The following EXOC6 variants were observed in gnomAD, a reference collection of about 807,000 sequenced individuals.
The protein encoded by EXOC6 is SEC15-like 1.
In EXOC6, 60 loss-of-function variants were observed where a neutral mutation model predicts 112.5. The ratio of observed to expected loss-of-function variants is 0.53; its 90% confidence interval spans 0.43 to 0.66. The LOEUF is 0.66. Among genes scored for constraint, EXOC6 ranks in the 30% least tolerant of loss-of-function variants. EXOC6 has a pLI of 0.00. For missense variants in EXOC6, 855 were observed against 957.1 expected (o/e 0.89, Z 1.41); for synonymous variants, 295 against 308.0 (o/e 0.96, Z 0.44).
chr10:93,049,496 C>T (rs558012368), intron 20 of EXOC6, among the ~76,000 whole-genome samples: 6 of 152,262 alleles, frequency 3.9e-5, no homozygotes, highest in South Asian at 2.1e-4. Flanking sequence ...CATGCTACAA[C>T]GTGATGAACC....
At chr10:92,918,279 T>C (rs1321849675) in intron 7 of EXOC6, among the ~76,000 whole-genome samples, 1 of 152,230 alleles carries the variant, frequency 6.6e-6, no homozygotes, top group Non-Finnish European at 1.5e-5. Context: ...AAGTTTTGCC[T>C]TGCCAATGAG....
At chr10:92,927,079 C>A (rs540792855) in intron 8 of EXOC6, among the ~76,000 whole-genome samples, 9 of 152,178 alleles carry the variant, frequency 5.9e-5, no homozygotes, top group African/African-American at 2.2e-4. Flanking sequence ...AAAATATTTT[C>A]TGCATTTTAA....
rs760629495 is a variant in EXOC6 at position 93,058,278 on chromosome 10, C to G, written c.2338C>G (p.Arg780Gly). The G allele has an allele frequency of 3.5e-5, 56 of 1,611,002 alleles. No homozygotes were observed. The South Asian group carries it at 5.2e-4, about 15-fold the overall frequency. The change falls in exon 22 of 22, where the codon CGA (arginine) becomes GGA (glycine). Residue 780 changes from arginine (R) to glycine (G), a missense_variant. This residue lies in a region of EXOC6 where 450 missense variants were observed against 563.5 expected (regional missense o/e 0.80). Coordinates refer to ENST00000260762, the MANE Select transcript of EXOC6 (RefSeq NM_019053.6). ...NIFAQFRKND[R>G]DKQKLIETVV... is the part of the protein sequence containing the mutation. The stretch of plus-strand genomic sequence containing the variant: ...ATTTGCTCAGTTCAGGAAGAATGAT[C>G]GAGACAAACAGAAGTTGATAGAGAC...
At chr10:93,017,302 T>C (rs112381378) in intron 20 of EXOC6, among the ~76,000 whole-genome samples, 6,366 of 151,556 alleles carry the variant, frequency 0.042, 302 homozygotes, top group African/African-American at 0.12. Context: ...AAAAACTACA[T>C]ATTGGGGGCT....
At chr10:92,921,695 T>C (rs1188682162) in intron 8 of EXOC6, among the ~76,000 whole-genome samples, 2 of 150,898 alleles carry the variant, frequency 1.3e-5, no homozygotes, top group African/African-American at 4.9e-5. Flanking sequence ...TCACCCAAGA[T>C]GGAGTGCAGT....
rs1846005610 is a variant in EXOC6, at chr10:93,046,501, T to C, written c.2170-10423T>C. Among the ~76,000 whole-genome samples the C allele has an allele frequency of 1.3e-5, 2 of 152,046 alleles. 1 individual carries two copies. Among genetic ancestry groups the C allele is most frequent in the South Asian group, 4.1e-4 (2 of 4,828 alleles). The stretch of plus-strand genomic sequence containing the variant: ...GAGACTGATTTAGACTTAAGTGTTA[T>C]GGACTAAGTAAGAGCTACCTGAGTG... On this transcript the variant is annotated intron_variant, in intron 20 of 21. Transcript: ENST00000260762.
intron 1 of EXOC6, among the ~76,000 whole-genome samples, 160 bp downstream of exon 1, chr10:92,848,794 G>A (rs1264646223): frequency 6.6e-6 from 1 of 151,752 alleles, no homozygotes; most frequent in Non-Finnish European, 1.5e-5. Context: ...AACTCTAGCC[G>A]GTACCCGGGC....
chr10:92,971,934 C>T (rs1048792736), intron 17 of EXOC6, among the ~76,000 whole-genome samples: 1 of 152,112 alleles, frequency 6.6e-6, no homozygotes, highest in Non-Finnish European at 1.5e-5. Flanking sequence ...TCACCTCTCC[C>T]AAGGGTTTGT....
intron 18 of EXOC6, among the ~76,000 whole-genome samples, chr10:92,993,384 G>A (rs988737319): frequency 1.2e-4 from 18 of 152,084 alleles, no homozygotes; most frequent in African/African-American, 4.3e-4. Context: ...GATTTCAAGA[G>A]CACATTTTAA....
intron 1 of EXOC6, among the ~76,000 whole-genome samples, chr10:92,862,829 A>T (rs1413385450): frequency 6.6e-6 from 1 of 152,212 alleles, no homozygotes; most frequent in East Asian, 1.9e-4. Context: ...GCTGCTATGA[A>T]CATTCATGTA....
chr10:92,896,493 G>T (rs10786058), intron 4 of EXOC6, among the ~76,000 whole-genome samples: 1 of 150,786 alleles, frequency 6.6e-6, no homozygotes, highest in Non-Finnish European at 1.5e-5. Context: ...CACTGCACCC[G>T]CTATATGCTA....
chr10:92,881,780 G>A (rs186325248), intron 1 of EXOC6, among the ~76,000 whole-genome samples: 2 of 151,520 alleles, frequency 1.3e-5, no homozygotes, highest in Admixed American at 6.6e-5. Flanking sequence ...TGAATCATGG[G>A]GGTGGTTTCT....
intron 13 of EXOC6, among the ~76,000 whole-genome samples, chr10:92,946,829 C>G (rs545010922): frequency 6.6e-6 from 1 of 152,282 alleles, no homozygotes; most frequent in African/African-American, 2.4e-5. Flanking sequence ...TGTAAAGACC[C>G]TACAGGACTA....
At chr10:92,847,066 CAG>C (rs1157152088), upstream of EXOC6, among the ~76,000 whole-genome samples, 2 of 152,198 alleles carry the variant, frequency 1.3e-5, no homozygotes, top group African/African-American at 2.4e-5. Flanking sequence ...AATTCTCCCG[CAG>C]AGTCTCTAGC....
intron 20 of EXOC6, among the ~76,000 whole-genome samples, chr10:93,051,383 A>T (rs1846286563): frequency 6.6e-6 from 1 of 152,254 alleles, no homozygotes; most frequent in Non-Finnish European, 1.5e-5. Context: ...AGTCTAGCAG[A>T]TGGGACATTG....
chr10:93,044,957 C>A (rs909848489), intron 20 of EXOC6, among the ~76,000 whole-genome samples: 2 of 152,144 alleles, frequency 1.3e-5, no homozygotes, highest in East Asian at 3.9e-4. Context: ...ACTGCAACCT[C>A]CACCTCCTGG....
intron 17 of EXOC6, among the ~76,000 whole-genome samples, chr10:92,968,435 C>T (rs1194184968): frequency 1.3e-5 from 2 of 152,260 alleles, no homozygotes; most frequent in East Asian, 3.9e-4. Flanking sequence ...ATCCTCCTGC[C>T]TCAGCCTCCC....
At chr10:93,048,999 T>C (rs935144008) in intron 20 of EXOC6, among the ~76,000 whole-genome samples, 1 of 151,998 alleles carries the variant, frequency 6.6e-6, no homozygotes, top group African/African-American at 2.4e-5. Context: ...CCTAGATATA[T>C]ACCCAAGAGA....
At chr10:93,038,581 G>A (rs536289359) in intron 20 of EXOC6, among the ~76,000 whole-genome samples, 1 of 152,234 alleles carries the variant, frequency 6.6e-6, no homozygotes, top group African/African-American at 2.4e-5. Context: ...ATATATACAT[G>A]ACAGAGTTCT....
Sources: gnomAD v4.1 joint callset for allele counts (sites outside exome capture counted in the v4.1 genomes callset) on GRCh38, gnomAD v4.1.1 for gene constraint, gnomAD v4.1.1 regional missense constraint, MANE v1.5 for transcripts, NCBI Gene and HGNC (gene_info 2026-07-23, HGNC 2026-07-21) for gene names.